The following SCRG1 variants were observed in gnomAD, a reference collection of about 807,000 sequenced individuals.
SCRG1 encodes stimulator of chondrogenesis 1, also known as scrapie-responsive protein 1.
A neutral mutation model predicts 7.7 loss-of-function variants in SCRG1; 3 were observed. The ratio of observed to expected loss-of-function variants is 0.39; its 90% CI spans 0.18 to 1.01. The LOEUF (loss-of-function observed/expected upper bound fraction) is 1.01. Among genes scored for constraint, SCRG1 ranks in the 50% least tolerant of loss-of-function variants. SCRG1 has a pLI of 0.36. For missense variants in SCRG1, 110 were observed against 117.2 expected (o/e 0.94, Z 0.28); for synonymous variants, 46 against 41.2 (o/e 1.12, Z -0.44).
upstream of SCRG1, among the ~76,000 whole-genome samples, chr4:173,408,991 C>CAAAAAAAAAA (rs991902394): frequency 2.9e-3 from 147 of 50,246 alleles, 1 homozygote; most frequent in Non-Finnish European, 4.8e-3. Context: ...GACTCAGTCT[C>CAAAAAAAAAA]AAAAAAAAAA....
chr4:173,448,195 C>G, the SCRG1 span, among the ~76,000 whole-genome samples: 1 of 152,214 alleles, frequency 6.6e-6, no homozygotes, highest in Non-Finnish European at 1.5e-5. Flanking sequence ...AATGCAACTT[C>G]TTTTCATTTT....
chr4:173,422,252 A>G, the SCRG1 span, among the ~76,000 whole-genome samples: 1 of 152,196 alleles, frequency 6.6e-6, no homozygotes, highest in Non-Finnish European at 1.5e-5. Context: ...GTGAGACTGG[A>G]ATAATAAAGT....
the SCRG1 span, among the ~76,000 whole-genome samples, chr4:173,438,147 C>T: frequency 5.3e-5 from 8 of 152,170 alleles, no homozygotes; most frequent in Non-Finnish European, 8.8e-5. Flanking sequence ...CAGGGTCTCA[C>T]GCGTGTTGCA....
chr4:173,416,964 TCACACACACCA>T, the SCRG1 span, among the ~76,000 whole-genome samples: 1 of 75,230 alleles, frequency 1.3e-5, no homozygotes, highest in African/African-American at 5.6e-5. Context: ...AGTCACATCA[TCACACACACCA>T]CACACACACC....
At chr4:173,412,377 T>G in the SCRG1 span, among the ~76,000 whole-genome samples, 1 of 152,230 alleles carries the variant, frequency 6.6e-6, no homozygotes, top group Non-Finnish European at 1.5e-5. Context: ...TGCTGTTTTC[T>G]TCTATCTCAT....
the SCRG1 span, among the ~76,000 whole-genome samples, chr4:173,474,259 G>A: frequency 1.3e-5 from 2 of 152,174 alleles, no homozygotes; most frequent in African/African-American, 4.8e-5. Flanking sequence ...AGAAATGGGG[G>A]AGGTAGCATA....
chr4:173,426,328 CT>C, the SCRG1 span, among the ~76,000 whole-genome samples: 4 of 152,278 alleles, frequency 2.6e-5, no homozygotes, highest in Non-Finnish European at 5.9e-5. Context: ...AAAAAAAACA[CT>C]GGTGTCTGAT....
At chr4:173,503,564 G>A in the SCRG1 span, among the ~76,000 whole-genome samples, 1 of 152,124 alleles carries the variant, frequency 6.6e-6, no homozygotes, top group Non-Finnish European at 1.5e-5. The surrounding 1 kb of genome is among the most constrained non-coding windows in gnomAD (Gnocchi z 6.4). Flanking sequence ...AGGGGAGATG[G>A]CTTTTCAAGT....
At chr4:173,508,318 T>C in the SCRG1 span, among the ~76,000 whole-genome samples, 3 of 152,216 alleles carry the variant, frequency 2.0e-5, no homozygotes, top group African/African-American at 4.8e-5. This position sits in a 1 kb window ranked among gnomAD's most constrained non-coding sequence, Gnocchi z 4.4. Flanking sequence ...TGGGCGCTTC[T>C]GCAGGAGGTG....
upstream of SCRG1, among the ~76,000 whole-genome samples, chr4:173,406,896 A>G (rs774517020): frequency 1.3e-5 from 2 of 152,188 alleles, no homozygotes; most frequent in Non-Finnish European, 1.5e-5. Flanking sequence ...TTGGTTGCGT[A>G]CAGTTTTGGA....
chr4:173,496,346 T>C, the SCRG1 span, among the ~76,000 whole-genome samples: 1 of 151,230 alleles, frequency 6.6e-6, no homozygotes, highest in African/African-American at 2.4e-5. Context: ...AGAGGGTGAA[T>C]TTGAAAGATA....
chr4:173,401,092 A>G (rs1739750541), upstream of SCRG1, among the ~76,000 whole-genome samples: 1 of 152,218 alleles, frequency 6.6e-6, no homozygotes, highest in African/African-American at 2.4e-5. Flanking sequence ...GAAGGTAGGC[A>G]GAGCAAAGAG....
At chr4:173,448,483 G>A in the SCRG1 span, among the ~76,000 whole-genome samples, 1 of 152,204 alleles carries the variant, frequency 6.6e-6, no homozygotes, top group Admixed American at 6.5e-5. Context: ...TTTTGCTCTA[G>A]TACTTACAGA....
chr4:173,467,675 T>C, the SCRG1 span, among the ~76,000 whole-genome samples: 1 of 152,172 alleles, frequency 6.6e-6, no homozygotes, highest in South Asian at 2.1e-4. Context: ...TCCTTTGAGG[T>C]TTAGTATCTC....
the SCRG1 span, among the ~76,000 whole-genome samples, chr4:173,475,735 T>C: frequency 2.6e-5 from 4 of 152,328 alleles, no homozygotes; most frequent in African/African-American, 9.6e-5. Flanking sequence ...ACATGGTGTA[T>C]ACATACAACA....
the SCRG1 span, among the ~76,000 whole-genome samples, chr4:173,430,412 G>A: frequency 6.6e-6 from 1 of 152,040 alleles, no homozygotes; most frequent in Non-Finnish European, 1.5e-5. Flanking sequence ...GCCTTCTCTA[G>A]GAAGACCTAT....
chr4:173,390,283 TA>T (rs1306606749), intron 2 of SCRG1, among the ~76,000 whole-genome samples: 21 of 152,300 alleles, frequency 1.4e-4, no homozygotes, highest in Middle Eastern at 3.4e-3. Flanking sequence ...CGATAGTAGA[TA>T]AATCAATAAA....
chr4:173,387,321 A>C lies in SCRG1; in HGVS notation c.*1020T>G, dbSNP rs971026325. 2.0e-5 allele frequency: 3 copies of C among 152,126 alleles called. No individual in the cohort carries two copies. Among genetic ancestry groups the C allele is most frequent in the Admixed American group, 2.0e-4 (3 of 15,256 alleles). The allele number at this position is 152,126 out of a possible 1,614,324, so 9.4% of individuals were successfully genotyped here. On this transcript the variant is annotated 3_prime_UTR_variant, in exon 3 of 3. Coordinates refer to ENST00000296506, the MANE Select transcript of SCRG1 (RefSeq NM_007281.4). ...TTGTTGTTGTTTTTTAAGAGAGTAAAATGAAATGTGCTTAAAGTTCTTGGT... is the reference window on the plus strand; with the variant it reads ...TTGTTGTTGTTTTTTAAGAGAGTAACATGAAATGTGCTTAAAGTTCTTGGT...
At chr4:173,484,375 TA>T in the SCRG1 span, among the ~76,000 whole-genome samples, 1 of 34,464 alleles carries the variant, frequency 2.9e-5, no homozygotes, top group East Asian at 9.3e-4. Context: ...ATATATTATA[TA>T]TTATGTATAT....
Sources: gnomAD v4.1 joint callset for allele counts (sites outside exome capture counted in the v4.1 genomes callset) on GRCh38, gnomAD v4.1.1 for gene constraint, Gnocchi (gnomAD v3.1) non-coding constraint, MANE v1.5 for transcripts, NCBI Gene and HGNC (gene_info 2026-07-23, HGNC 2026-07-21) for gene names.